Variants in PCNX1 observed in about 807,000 individuals in gnomAD.
PCNX1 encodes the protein pecanex 1, also known as pecanex-like protein 1.
Under a neutral mutation model 242.2 loss-of-function variants are expected in PCNX1, and 78 were observed. That is an observed-to-expected ratio of 0.32 (90% confidence interval 0.27 to 0.39). The LOEUF is 0.39. PCNX1 is among the 10% of genes least tolerant of loss of function. PCNX1 has a pLI of 1.00. For missense variants in PCNX1, 2,581 were observed against 2,856.5 expected, an observed-to-expected ratio of 0.90 and a Z score of 2.20; for synonymous variants, 1,024 against 1,032.9, an observed-to-expected ratio of 0.99 and a Z score of 0.17.
chr14:70,955,896 T>C lies in PCNX1; in HGVS notation c.363-6330T>C, dbSNP rs75924928. ...TAAATGAAAACCCCTGTTCATTTTT[T>C]CTCTTCATCATTTTTATTCCTTTGA... On this transcript the variant is annotated intron_variant, in intron 2 of 35. Transcript: ENST00000304743. Among the ~76,000 whole-genome samples the C allele has an allele frequency of 8.3e-3, 1,271 of 152,306 alleles. 10 individuals carry two copies. The highest frequency in any genetic ancestry group is 0.029 in the African/African-American group (1,195 of 41,568).
At chr14:71,015,106 C>T (rs367740110) in intron 11 of PCNX1, among the ~76,000 whole-genome samples, 2 of 151,948 alleles carry the variant, frequency 1.3e-5, no homozygotes, top group Non-Finnish European at 2.9e-5. Context: ...AGCAAAAATA[C>T]CTTTTAAAAA....
intron 1 of PCNX1, among the ~76,000 whole-genome samples, chr14:70,937,370 G>A (rs1486211321): frequency 4.6e-5 from 7 of 152,128 alleles, no homozygotes; most frequent in African/African-American, 2.4e-5. Context: ...AGTTTTCCCA[G>A]CACCATTTAT....
chr14:70,934,129 G>C (rs2056908486), intron 1 of PCNX1, among the ~76,000 whole-genome samples: 1 of 152,236 alleles, frequency 6.6e-6, no homozygotes. Flanking sequence ...GTTACCTCGT[G>C]ACTGTAATAA....
At chr14:71,079,688 G>A (rs766284980) in intron 28 of PCNX1, among the ~76,000 whole-genome samples, 6 of 152,104 alleles carry the variant, frequency 3.9e-5, no homozygotes, top group Admixed American at 1.3e-4. Context: ...CTTTTGAGAA[G>A]TGTCTGTTCA....
At chr14:71,084,790 G>A (rs189225610) in intron 28 of PCNX1, among the ~76,000 whole-genome samples, 1 of 152,312 alleles carries the variant, frequency 6.6e-6, no homozygotes, top group East Asian at 1.9e-4. Context: ...GGCTCCGTAG[G>A]GGTGGGATCC....
chr14:70,951,954 AAGAAATGC>A (rs1252559193), intron 2 of PCNX1, among the ~76,000 whole-genome samples: 1 of 152,152 alleles, frequency 6.6e-6, no homozygotes, highest in African/African-American at 2.4e-5. Flanking sequence ...TATTTCTGTT[AAGAAATGC>A]ATATTCGTAC....
At chr14:71,103,274 T>A in intron 31 of PCNX1, 121 bp from the exon 32 acceptor site, 1 of 1,096,374 alleles carries the variant, frequency 9.1e-7, no homozygotes. Context: ...TTATATTTGT[T>A]CCCCGCTTTT....
At chr14:70,913,386 T>A (rs935836310) in intron 1 of PCNX1, among the ~76,000 whole-genome samples, 1 of 152,116 alleles carries the variant, frequency 6.6e-6, no homozygotes, top group Non-Finnish European at 1.5e-5. Flanking sequence ...AAATCAAATA[T>A]AAAATTACTG....
intron 30 of PCNX1, among the ~76,000 whole-genome samples, chr14:71,094,841 G>A (rs1474171759): frequency 6.6e-6 from 1 of 152,138 alleles, no homozygotes; most frequent in African/African-American, 2.4e-5. Flanking sequence ...CTGAGACGGG[G>A]GATCATTTGA....
At chr14:70,976,917 A>G in intron 5 of PCNX1, 25 bp from the exon 6 acceptor site, 1 of 1,589,512 alleles carries the variant, frequency 6.3e-7, no homozygotes, top group Non-Finnish European at 8.6e-7. Flanking sequence ...TTATTTTAAC[A>G]TTTCAAAATA....
Position 71,066,328 on chromosome 14 carries a change from C to T in PCNX1, c.4853-7217C>T, listed in dbSNP as rs549494491. Among the ~76,000 whole-genome samples, 793 of 152,310 alleles carry T rather than the reference C, an allele frequency of 5.2e-3. 5 individuals are homozygous for T. Among genetic ancestry groups the T allele is most frequent in the Non-Finnish European group, 8.8e-3 (599 of 68,020 alleles). ...TAGTTCTCCTTGAAGAGGACCTTCG[C>T]ATCCCTTGTAAGTTGTATTCCTAGG... On this transcript the variant is annotated intron_variant, in intron 26 of 35. Transcript: ENST00000304743.
Position 70,968,251 on chromosome 14 carries a change from T to C in PCNX1, c.514+8T>C. 1.2e-6 allele frequency: 2 copies of C among 1,608,044 alleles called. No homozygotes were observed. Among genetic ancestry groups the C allele is most frequent in the Non-Finnish European group, 1.7e-6 (2 of 1,174,618 alleles). On this transcript the variant is annotated splice_region_variant and intron_variant, in intron 4 of 35. Coordinates refer to ENST00000304743, the MANE Select transcript of PCNX1 (RefSeq NM_014982.3). ...CAGCAGCAACTATTAAAGGTAGGTG[T>C]GATCTAACTTAAAAGTTGCACCTGC...
chr14:71,031,204 A>G (rs764356790), intron 16 of PCNX1, among the ~76,000 whole-genome samples: 8 of 152,194 alleles, frequency 5.3e-5, no homozygotes, highest in Non-Finnish European at 1.0e-4. Flanking sequence ...AAATATGCAA[A>G]TGGAGAAGGG....
rs1199046375 is a variant in PCNX1 at position 70,978,039 on chromosome 14, C to T, written c.1702C>T (p.Arg568Trp). 9.9e-6 allele frequency: 16 copies of T among 1,614,088 alleles called. No individual in the cohort carries two copies. Among genetic ancestry groups the T allele is most frequent in the Middle Eastern group, 1.6e-4 (1 of 6,062 alleles). Residue 568 changes from arginine to tryptophan, a missense_variant, in exon 6 of 36, where the codon CGG (arginine) becomes TGG (tryptophan). This residue lies in a region of PCNX1 where 1,204 missense variants were observed against 1,216.7 expected (regional missense o/e 0.99). Coordinates refer to ENST00000304743, the MANE Select transcript of PCNX1 (RefSeq NM_014982.3). ...AGGCAGGAGACGCACAGGAAAAAAA[C>T]GGGCTAGCAGTTTTGATTCAAGCCG... is the stretch of plus-strand genomic sequence containing the variant. ...KSGRRRTGKK[R>W]ASSFDSSRHR...
chr14:71,009,506 T>C lies in PCNX1; in HGVS notation c.2630-128T>C, dbSNP rs117738638. Reference sequence around the variant, plus strand: ...CTGAATTACATGCAGATCATTGTTTTAAAAAAATTTTTTTTAAAGGTTATG... The same window carrying C: ...CTGAATTACATGCAGATCATTGTTTCAAAAAAATTTTTTTTAAAGGTTATG... On this transcript the variant is annotated intron_variant, in intron 8 of 35. Coordinates refer to ENST00000304743, the MANE Select transcript of PCNX1 (RefSeq NM_014982.3). 155 of 469,100 alleles carry C rather than the reference T, an allele frequency of 3.3e-4. No individual in the cohort carries two copies. The East Asian group carries it at 4.3e-3, about 13-fold the overall frequency. 29.1% of individuals were successfully genotyped at this position (469,100 alleles called of 1,614,324 possible).
Position 71,113,172 on chromosome 14 carries a change from G to A in PCNX1, c.*3237G>A, listed in dbSNP as rs1395175130. 1 of 152,144 alleles carries A rather than the reference G, an allele frequency of 6.6e-6. No homozygotes were observed. Among genetic ancestry groups the A allele is most frequent in the East Asian group, 1.9e-4 (1 of 5,194 alleles). 9.4% of individuals were successfully genotyped at this position (152,144 alleles called of 1,614,324 possible). ...ATATTTTTTAAGAGATTACCTTTTA[G>A]GAAATTAGTGAACAAACTTAACCAG... On this transcript the variant is annotated 3_prime_UTR_variant, in exon 36 of 36. Coordinates refer to ENST00000304743, the MANE Select transcript of PCNX1 (RefSeq NM_014982.3).
In PCNX1 at chr14:71,110,370, G is replaced by A. The variant is rs999593004; in HGVS notation, c.*435G>A. The A allele has an allele frequency of 1.0e-4, 26 of 258,294 alleles. No individual in the cohort carries two copies. The highest frequency in any genetic ancestry group is 1.5e-3 in the Middle Eastern group (1 of 682). The allele number at this position is 258,294 out of a possible 1,614,324, so 16.0% of individuals were successfully genotyped here. On this transcript the variant is annotated 3_prime_UTR_variant, in exon 36 of 36. Coordinates refer to ENST00000304743, the MANE Select transcript of PCNX1 (RefSeq NM_014982.3). ...CCTTGATTTTTAAGAACAGACCAGT[G>A]TAGAAATGTTCCTTTTGACTTATAG...
Position 71,057,615 on chromosome 14 carries a change from T to C in PCNX1, c.4743T>C (p.Ser1581=). 6.2e-7 allele frequency: 1 copy of C among 1,613,564 alleles called. No individual in the cohort carries two copies. Among genetic ancestry groups the C allele is most frequent in the South Asian group, 1.1e-5 (1 of 91,072 alleles). The change falls in exon 26 of 36, where the codon AGT becomes AGC. Residue 1581 remains serine (S), a synonymous_variant. Transcript: ENST00000304743. ...TACTAGGACGGTGGGGAAACTACAG[T>C]ACAGGGGACTGTTTCATCCTTGCCT... is the stretch of plus-strand genomic sequence containing the variant. ...DLLLGRWGNY[S]TGDCFILASD...
chr14:70,923,788 AT>A (rs377687101), intron 1 of PCNX1, among the ~76,000 whole-genome samples: 22 of 150,328 alleles, frequency 1.5e-4, no homozygotes, highest in Middle Eastern at 3.4e-3. Context: ...CAGCTGACAG[AT>A]TTTTTTTTTA....
Sources: allele counts gnomAD v4.1 joint callset (sites outside exome capture counted in the v4.1 genomes callset), GRCh38; gene constraint gnomAD v4.1.1; regional missense constraint gnomAD v4.1.1; transcripts MANE v1.5; gene names NCBI Gene and HGNC (gene_info 2026-07-23, HGNC 2026-07-21).